CNDP2: variants seen among roughly 807,000 people sequenced by gnomAD.
CNDP2 encodes the protein cytosolic non-specific dipeptidase.
CNDP2 carries 38 observed loss-of-function variants against 55.0 expected under a neutral mutation model. That is an observed-to-expected ratio of 0.69 (90% CI 0.53 to 0.90). CNDP2 has a LOEUF of 0.90. Among genes scored for constraint, CNDP2 ranks in the 40% least tolerant of loss-of-function variants. The pLI is 0.00. For synonymous variants in CNDP2, 241 were observed against 260.2 expected (o/e 0.93, Z 0.71); for missense variants, 607 against 621.7 (o/e 0.98, Z 0.25).
At chr18:74,518,684 C>T in intron 10 of CNDP2, 44 bp downstream of exon 10, 1 of 1,611,870 alleles carries the variant, frequency 6.2e-7, no homozygotes, top group South Asian at 1.1e-5. Flanking sequence ...GGGCCCTTCG[C>T]ACGTCTGACA....
intron 9 of CNDP2, chr18:74,518,210 C>A (rs188781605): frequency 1.9e-5 from 4 of 211,056 alleles, no homozygotes; most frequent in Admixed American, 5.2e-5. Flanking sequence ...TGCAGTGAGC[C>A]GAGATCACGC....
chr18:74,515,611 C>A lies in CNDP2; in HGVS notation c.904-617C>A, dbSNP rs369810552. Among the ~76,000 whole-genome samples the A allele has an allele frequency of 1.6e-4, 25 of 152,320 alleles. No individual in the cohort carries two copies. In the East Asian group the frequency reaches 4.4e-3, roughly 27 times the overall value. ...TTGGGGGCACACCTACTCTCTTGAC[C>A]CACCTTCTGCTACTGCAGGGATGCA... On this transcript the variant is annotated intron_variant, in intron 8 of 11. Transcript: ENST00000324262.
rs748832993 is a variant in CNDP2, at chr18:74,499,958, G to A, written c.-16G>A. On this transcript the variant is annotated 5_prime_UTR_variant, in exon 2 of 12. Transcript: ENST00000324262. ...CAAGAACCTTCGAGATCTGCGGTCT[G>A]GGGTCTGGTTGAAAGATGGCGGCCC... 2.7e-5 allele frequency: 44 copies of A among 1,613,434 alleles called. No homozygotes were observed. Among genetic ancestry groups the A allele is most frequent in the Non-Finnish European group, 3.6e-5 (42 of 1,179,528 alleles).
Position 74,518,983 on chromosome 18 carries a change from C to T in CNDP2, c.1245C>T (p.Gly415=), listed in dbSNP as rs1176558917. The T allele has an allele frequency of 4.3e-6, 7 of 1,614,008 alleles. No homozygotes were observed. Among genetic ancestry groups the T allele is most frequent in the African/African-American group, 1.3e-5 (1 of 74,906 alleles). Residue 415 remains glycine (G), a synonymous_variant, in exon 11 of 12, where the codon GGC becomes GGT. Transcript: ENST00000324262. The part of the protein sequence containing the change: ...FGVEPDLTRE[G]GSIPVTLTFQ... ...TTGAGCCAGACTTGACCAGGGAAGGCGGCAGTATTCCCGTGACCTTGACCT... is the reference window on the plus strand; with the variant it reads ...TTGAGCCAGACTTGACCAGGGAAGGTGGCAGTATTCCCGTGACCTTGACCT...
intron 2 of CNDP2, chr18:74,501,099 C>A: frequency 2.2e-6 from 2 of 909,490 alleles, no homozygotes; most frequent in Non-Finnish European, 2.8e-6. Context: ...TGTTTTTAAA[C>A]AGGTACTGAG....
chr18:74,513,600 A>G lies in CNDP2; in HGVS notation c.784A>G (p.Ile262Val). ...GAGGGGGAACATCCTGATCCCCGGC[A>G]TTAACGAGGCCGTGGCCGCCGTCAC... ...DKRGNILIPG[I>V]NEAVAAVTEE... The change falls in exon 8 of 12, where the codon ATT becomes GTT. Residue 262 changes from isoleucine to valine, a missense_variant. Coordinates refer to ENST00000324262, the MANE Select transcript of CNDP2 (RefSeq NM_018235.3). The G allele has an allele frequency of 3.1e-6, 5 of 1,613,950 alleles. 1 individual carries two copies. The South Asian group carries it at 5.5e-5, about 18-fold the overall frequency.
At chr18:74,499,732 G>A (rs1233342732) in intron 1 of CNDP2, 150 bp from the exon 2 acceptor site, 1 of 408,294 alleles carries the variant, frequency 2.4e-6, no homozygotes, top group Non-Finnish European at 4.3e-6. Flanking sequence ...AGTAAAGAAG[G>A]GAAGTTTAGC....
chr18:74,496,620 C>T (rs1978428457), intron 1 of CNDP2, among the ~76,000 whole-genome samples, 189 bp downstream of exon 1: 1 of 152,164 alleles, frequency 6.6e-6, no homozygotes, highest in African/African-American at 2.4e-5. Flanking sequence ...GGGCGGAGGC[C>T]CGTGACGGCC....
In CNDP2 at chr18:74,501,388, A is replaced by G; in HGVS notation, c.120A>G (p.Glu40=). The G allele has an allele frequency of 1.2e-6, 2 of 1,614,124 alleles. No individual in the cohort carries two copies. The highest frequency in any genetic ancestry group is 1.7e-6 in the Non-Finnish European group (2 of 1,180,006). ...CTGCGTGGCCGGAGAAGAGAGGCGA[A>G]ATCAGGAGGATGATGGAAGTTGCTG... ...SVSAWPEKRG[E]IRRMMEVAAA... The change falls in exon 3 of 12, where the codon GAA becomes GAG. Residue 40 remains glutamate (E), a synonymous_variant. Transcript: ENST00000324262.
At chr18:74,502,634 C>T (rs774528992) in intron 3 of CNDP2, among the ~76,000 whole-genome samples, 52 of 152,058 alleles carry the variant, frequency 3.4e-4, no homozygotes, top group South Asian at 8.3e-4. Context: ...TGATTTCAGC[C>T]TTATGTTAAT....
chr18:74,503,178 G>T (rs1978810947), intron 3 of CNDP2, among the ~76,000 whole-genome samples: 1 of 150,418 alleles, frequency 6.6e-6, no homozygotes, highest in South Asian at 2.1e-4. Flanking sequence ...CACTGACATT[G>T]CTGTGCAATT....
Position 74,510,808 on chromosome 18 carries a change from C to T in CNDP2, c.457-5C>T. The T allele has an allele frequency of 6.2e-7, 1 of 1,611,718 alleles. No individual in the cohort carries two copies. The highest frequency in any genetic ancestry group is 8.5e-7 in the Non-Finnish European group (1 of 1,178,508). ...ATATCCACTCGTGCTGTTCCCTTCT[C>T]ACAGGAGATTCCTGTCAACGTCCGA... On this transcript the variant is annotated splice_region_variant and splice_polypyrimidine_tract_variant and intron_variant, in intron 5 of 11. Coordinates refer to ENST00000324262, the MANE Select transcript of CNDP2 (RefSeq NM_018235.3).
chr18:74,516,563 A>G, intron 9 of CNDP2, 171 bp downstream of exon 9: 1 of 687,536 alleles, frequency 1.5e-6, no homozygotes, highest in Non-Finnish European at 2.4e-6. Flanking sequence ...AATCAAAGAT[A>G]ATGCATCACA....
rs1433515592 is a variant in CNDP2, at chr18:74,508,529, G to A, written c.368-311G>A. 23 of 287,948 alleles carry A rather than the reference G, an allele frequency of 8.0e-5. No individual in the cohort carries two copies. In the East Asian group the frequency reaches 1.3e-3, roughly 17 times the overall value. The allele number at this position is 287,948 out of a possible 1,614,324, so 17.8% of individuals were successfully genotyped here. On this transcript the variant is annotated intron_variant, in intron 4 of 11. Transcript: ENST00000324262. Reference sequence around the variant, plus strand: ...TTTAATGAACTAAGCAGCTGGCTGCGACTCCCTGGAGTTAGACTGGAGGTC... The same window carrying A: ...TTTAATGAACTAAGCAGCTGGCTGCAACTCCCTGGAGTTAGACTGGAGGTC...
Position 74,503,727 on chromosome 18 carries a change from G to A in CNDP2, c.205-2122G>A, listed in dbSNP as rs927360825. ...GTCCCTGGTGGGTACAGGCTGTCCTGGTGAGAACTGAGGCACAGATACAGC... is the reference window on the plus strand; with the variant it reads ...GTCCCTGGTGGGTACAGGCTGTCCTAGTGAGAACTGAGGCACAGATACAGC... On this transcript the variant is annotated intron_variant, in intron 3 of 11. Coordinates refer to ENST00000324262, the MANE Select transcript of CNDP2 (RefSeq NM_018235.3). 1.2e-4 allele frequency among the ~76,000 whole-genome samples: 19 copies of A among 152,266 alleles called. 1 individual carries two copies. Among genetic ancestry groups the A allele is most frequent in the Admixed American group, 3.3e-4 (5 of 15,288 alleles).
At chr18:74,501,578 C>T (rs1444707714) in intron 3 of CNDP2, 106 bp downstream of exon 3, 7 of 1,404,938 alleles carry the variant, frequency 5.0e-6, no homozygotes, top group African/African-American at 1.4e-5. Flanking sequence ...ACATACCCCA[C>T]TCACCTTTAA....
In CNDP2 at chr18:74,521,635, C is replaced by A. The variant is rs1266678393; in HGVS notation, c.*1567C>A. ...AATAGCAGTAGTGTTGGATTTTTAC[C>A]ATGGAATAAACAACAATCCATGAGT... On this transcript the variant is annotated 3_prime_UTR_variant, in exon 12 of 12. Coordinates refer to ENST00000324262, the MANE Select transcript of CNDP2 (RefSeq NM_018235.3). 6.6e-6 allele frequency: 1 copy of A among 152,124 alleles called. No individual in the cohort carries two copies. Among genetic ancestry groups the A allele is most frequent in the Non-Finnish European group, 1.5e-5 (1 of 68,036 alleles). 9.4% of individuals were successfully genotyped at this position (152,124 alleles called of 1,614,324 possible).
At chr18:74,512,922 C>T (rs1270884157) in intron 7 of CNDP2, among the ~76,000 whole-genome samples, 2 of 152,198 alleles carry the variant, frequency 1.3e-5, no homozygotes, top group African/African-American at 4.8e-5. Context: ...CATCCAGGTC[C>T]CCCCGCCTGA....
intron 11 of CNDP2, among the ~76,000 whole-genome samples, chr18:74,519,370 G>A (rs1262107817): frequency 6.6e-6 from 1 of 152,068 alleles, no homozygotes; most frequent in Non-Finnish European, 1.5e-5. Flanking sequence ...TCATTTTTCT[G>A]TTTCCTTTTT....
Sources: allele counts gnomAD v4.1 joint callset (sites outside exome capture counted in the v4.1 genomes callset), GRCh38; gene constraint gnomAD v4.1.1; transcripts MANE v1.5; gene names NCBI Gene and HGNC (gene_info 2026-07-23, HGNC 2026-07-21).